NBAS: variants seen among roughly 807,000 people sequenced by gnomAD.
NBAS encodes the protein NBAS subunit of NRZ tethering complex, also known as NAG/BC035112 fusion.
NBAS carries 219 observed loss-of-function variants against 302.5 expected under a neutral mutation model. The ratio of observed to expected loss-of-function variants is 0.72; its 90% confidence interval spans 0.65 to 0.81. NBAS has a LOEUF of 0.81. NBAS is among the 30% of genes least tolerant of loss of function. The pLI, the probability that NBAS is intolerant of heterozygous loss-of-function variation, is 0.00. For synonymous variants in NBAS, 1,118 were observed against 1,021.6 expected, an observed-to-expected ratio of 1.09 and a Z score of -1.80; for missense variants, 2,932 against 2,841.6, an observed-to-expected ratio of 1.03 and a Z score of -0.72.
the NBAS span, among the ~76,000 whole-genome samples, chr2:14,812,856 G>T: frequency 3.9e-5 from 6 of 152,136 alleles, no homozygotes; most frequent in Non-Finnish European, 7.4e-5. Context: ...TTTTGGAGGT[G>T]GGGTCTGGTG....
intron 12 of NBAS, among the ~76,000 whole-genome samples, chr2:15,487,317 G>A (rs1327464690): frequency 6.6e-6 from 1 of 152,160 alleles, no homozygotes; most frequent in Non-Finnish European, 1.5e-5. Context: ...ACATAGATAT[G>A]AAACATGGAC....
chr2:15,137,973 C>T, the NBAS span, among the ~76,000 whole-genome samples: 1 of 152,064 alleles, frequency 6.6e-6, no homozygotes, highest in South Asian at 2.1e-4. Flanking sequence ...ATCAAGAGCC[C>T]GAAATCAGTC....
At chr2:14,835,013 A>C in the NBAS span, among the ~76,000 whole-genome samples, 2 of 152,090 alleles carry the variant, frequency 1.3e-5, no homozygotes. Flanking sequence ...AGCTCAAAAG[A>C]CATTAAGGGA....
the NBAS span, among the ~76,000 whole-genome samples, chr2:15,146,646 G>T: frequency 6.6e-6 from 1 of 152,082 alleles, no homozygotes; most frequent in East Asian, 1.9e-4. Flanking sequence ...AAGTGAACCA[G>T]AACCCAGGAT....
rs76002488 is a variant in NBAS, at chr2:15,238,698, G to T, written c.5725-12C>A. On this transcript the variant is annotated splice_polypyrimidine_tract_variant and intron_variant, in intron 44 of 51. Transcript: ENST00000281513. ...GCTTCCACAGACAGCTTAAAAAAAA[G>T]AATAGTGAGACCAAAGAACCCTGCA... 36 of 1,609,088 alleles carry T rather than the reference G, an allele frequency of 2.2e-5. No individual in the cohort carries two copies. In the East Asian group the frequency reaches 7.8e-4, roughly 35 times the overall value.
chr2:15,235,989 A>G (rs539147046), intron 45 of NBAS, among the ~76,000 whole-genome samples: 1 of 152,326 alleles, frequency 6.6e-6, no homozygotes, highest in South Asian at 2.1e-4. Flanking sequence ...TACTGGGTAT[A>G]TAATTAAGGA....
chr2:15,153,314 C>T, the NBAS span, among the ~76,000 whole-genome samples: 1 of 152,184 alleles, frequency 6.6e-6, no homozygotes, highest in Non-Finnish European at 1.5e-5. Context: ...GAATGAACTG[C>T]ACAATGTGCT....
the NBAS span, among the ~76,000 whole-genome samples, chr2:14,807,885 G>A: frequency 6.6e-6 from 1 of 152,016 alleles, no homozygotes; most frequent in Non-Finnish European, 1.5e-5. Context: ...GTTGCAAAGG[G>A]TTAGTGCTCT....
chr2:15,149,088 T>C, the NBAS span, among the ~76,000 whole-genome samples: 2 of 152,220 alleles, frequency 1.3e-5, no homozygotes, highest in Non-Finnish European at 2.9e-5. Context: ...GTCCATATGT[T>C]AGAAACTTGC....
chr2:15,119,648 T>A, the NBAS span, among the ~76,000 whole-genome samples: 2 of 152,118 alleles, frequency 1.3e-5, no homozygotes, highest in African/African-American at 2.4e-5. Flanking sequence ...CAGGAATCCA[T>A]TTCTAATGTT....
the NBAS span, among the ~76,000 whole-genome samples, chr2:14,942,998 C>T: frequency 6.6e-6 from 1 of 152,192 alleles, no homozygotes; most frequent in African/African-American, 2.4e-5. Context: ...GCAAAGGGAA[C>T]GCAAAGGTGG....
chr2:15,173,705 G>T (rs768328055), intron 51 of NBAS, among the ~76,000 whole-genome samples: 2 of 152,122 alleles, frequency 1.3e-5, no homozygotes, highest in East Asian at 1.9e-4. Flanking sequence ...ATCTGCTCAC[G>T]ATCTCACAAC....
At chr2:15,025,919 T>C in the NBAS span, among the ~76,000 whole-genome samples, 1 of 152,162 alleles carries the variant, frequency 6.6e-6, no homozygotes, top group Non-Finnish European at 1.5e-5. Flanking sequence ...ACAGAGATAG[T>C]TTGGCTTCCT....
the NBAS span, among the ~76,000 whole-genome samples, chr2:14,951,134 A>T: frequency 1.3e-5 from 2 of 152,234 alleles, no homozygotes; most frequent in Admixed American, 6.5e-5. Context: ...CTTTGCCTCC[A>T]TCAGCGAATG....
chr2:15,452,371 G>A (rs1466694034), intron 21 of NBAS, among the ~76,000 whole-genome samples: 1 of 152,094 alleles, frequency 6.6e-6, no homozygotes, highest in African/African-American at 2.4e-5. Context: ...CGAGGCGGGT[G>A]GATCTCAAGG....
chr2:15,288,646 T>TA (rs1251121396), intron 41 of NBAS, among the ~76,000 whole-genome samples: 3 of 152,208 alleles, frequency 2.0e-5, no homozygotes, highest in African/African-American at 7.2e-5. Flanking sequence ...ACCCACATTA[T>TA]AAGGCCATTT....
At chr2:15,223,057 A>C (rs1667017230) in intron 47 of NBAS, among the ~76,000 whole-genome samples, 2 of 152,242 alleles carry the variant, frequency 1.3e-5, no homozygotes, top group African/African-American at 2.4e-5. Flanking sequence ...GATGTGCTTC[A>C]CTATTACTGG....
chr2:14,854,553 A>T, the NBAS span, among the ~76,000 whole-genome samples: 1 of 151,780 alleles, frequency 6.6e-6, no homozygotes, highest in African/African-American at 2.4e-5. Context: ...AAAAAAAAAA[A>T]GTCCAGAAAT....
At chr2:15,176,389 A>T (rs917251327) in intron 51 of NBAS, among the ~76,000 whole-genome samples, 3 of 152,070 alleles carry the variant, frequency 2.0e-5, no homozygotes, top group African/African-American at 7.3e-5. Context: ...AGTATGAGAG[A>T]TCCTTGTGTC....
Sources: gnomAD v4.1 joint callset for allele counts (sites outside exome capture counted in the v4.1 genomes callset) on GRCh38, gnomAD v4.1.1 for gene constraint, MANE v1.5 for transcripts, NCBI Gene and HGNC (gene_info 2026-07-23, HGNC 2026-07-21) for gene names.